Variants in CABIN1 observed in about 807,000 individuals in gnomAD.
CABIN1 encodes calcineurin binding protein 1.
CABIN1 carries 133 observed loss-of-function variants against 227.7 expected under a neutral mutation model. The ratio of observed to expected loss-of-function variants is 0.58; its 90% CI spans 0.51 to 0.67. CABIN1 has a LOEUF of 0.67. Among genes scored for constraint, CABIN1 ranks in the 30% least tolerant of loss-of-function variants. The pLI is 0.00. For missense variants in CABIN1, 2,408 were observed against 2,852.5 expected (o/e 0.84, Z 3.55); for synonymous variants, 1,086 against 1,155.1 (o/e 0.94, Z 1.21).
chr22:24,161,570 C>G (rs1315156806), intron 29 of CABIN1, among the ~76,000 whole-genome samples: 1 of 152,158 alleles, frequency 6.6e-6, no homozygotes, highest in Non-Finnish European at 1.5e-5. Context: ...ATCTATGATC[C>G]TGCCTCTGCC....
At chr22:24,072,140 C>G (rs1194559452) in intron 17 of CABIN1, among the ~76,000 whole-genome samples, 1 of 152,176 alleles carries the variant, frequency 6.6e-6, no homozygotes, top group Non-Finnish European at 1.5e-5. Context: ...CTGCATGTGG[C>G]ATGAAGGAGA....
Position 24,165,777 on chromosome 22 carries a change from C to T in CABIN1, c.5007+151C>T, listed in dbSNP as rs995027912. 4 of 683,842 alleles carry T rather than the reference C, an allele frequency of 5.8e-6. No individual in the cohort carries two copies. In the African/African-American group the frequency reaches 7.1e-5, roughly 12 times the overall value. The allele number at this position is 683,842 out of a possible 1,614,324, so 42.4% of individuals were successfully genotyped here. A position where few individuals can be genotyped will look rare whatever the true frequency, so the allele number is the denominator to read the frequency against. On this transcript the variant is annotated intron_variant, in intron 31 of 36. Coordinates refer to ENST00000263119, the MANE Select transcript of CABIN1 (RefSeq NM_012295.4). ...GTGAGGTAGCACCCATCCTGTCTTC[C>T]TAGGCAGGGAAGGTCAGCCGTGGTA...
At chr22:24,175,845 C>T in intron 34 of CABIN1, 1 of 569,120 alleles carries the variant, frequency 1.8e-6, no homozygotes, top group Non-Finnish European at 3.2e-6. Flanking sequence ...TCAGGTGTGG[C>T]CCCACTGGGT....
intron 33 of CABIN1, among the ~76,000 whole-genome samples, chr22:24,169,700 C>T (rs1340190750): frequency 6.6e-6 from 1 of 152,218 alleles, no homozygotes; most frequent in Non-Finnish European, 1.5e-5. Flanking sequence ...GCCTCCTCCA[C>T]TGGCCCAGGT....
At chr22:24,081,989 T>A (rs528591467) in intron 19 of CABIN1, among the ~76,000 whole-genome samples, 1 of 152,214 alleles carries the variant, frequency 6.6e-6, no homozygotes, top group Admixed American at 6.5e-5. Context: ...ATTGTTCCAC[T>A]GCACTCCAGC....
chr22:24,112,317 T>C (rs1272098411), intron 26 of CABIN1, among the ~76,000 whole-genome samples: 2 of 152,214 alleles, frequency 1.3e-5, no homozygotes, highest in African/African-American at 4.8e-5. Context: ...TTGAGCTGGC[T>C]TGGGTTTTGT....
intron 8 of CABIN1, among the ~76,000 whole-genome samples, chr22:24,052,659 C>A (rs894778739): frequency 6.6e-6 from 1 of 151,690 alleles, no homozygotes. Flanking sequence ...GATATGGTGG[C>A]ACACACCTGT....
In CABIN1 at chr22:24,087,724, G is replaced by T; in HGVS notation, c.3525+11G>T. On this transcript the variant is annotated intron_variant, in intron 23 of 36. Coordinates refer to ENST00000263119, the MANE Select transcript of CABIN1 (RefSeq NM_012295.4). ...GAGCTCGTGCAGCAGGTGAGGAGGGGGTGCTGCAGATGGGCTTGCCATCCT... is the reference window on the plus strand; with the variant it reads ...GAGCTCGTGCAGCAGGTGAGGAGGGTGTGCTGCAGATGGGCTTGCCATCCT... The T allele has an allele frequency of 6.2e-7, 1 of 1,613,282 alleles. No homozygotes were observed. The highest frequency in any genetic ancestry group is 8.5e-7 in the Non-Finnish European group (1 of 1,180,012).
chr22:24,091,911 C>T, intron 24 of CABIN1, 68 bp downstream of exon 24: 1 of 1,586,034 alleles, frequency 6.3e-7, no homozygotes, highest in South Asian at 1.1e-5. Flanking sequence ...TCTCCCTGGG[C>T]ATGTGGCTCA....
At chr22:24,175,088 C>T (rs2047030225) in intron 34 of CABIN1, among the ~76,000 whole-genome samples, 2 of 152,232 alleles carry the variant, frequency 1.3e-5, no homozygotes, top group African/African-American at 2.4e-5. Flanking sequence ...CTTCTTCAGC[C>T]TGGAGAGTTG....
At chr22:24,131,461 C>T (rs918501523) in intron 28 of CABIN1, among the ~76,000 whole-genome samples, 2 of 152,196 alleles carry the variant, frequency 1.3e-5, no homozygotes, top group African/African-American at 4.8e-5. Context: ...CCCTAGGCAG[C>T]CTGCCTCTGC....
intron 32 of CABIN1, 24 bp downstream of exon 32, chr22:24,167,337 G>A (rs773628813): frequency 6.2e-7 from 1 of 1,602,582 alleles, no homozygotes. Flanking sequence ...AGAGGCCTGG[G>A]GGCACTAGTC....
In CABIN1 at chr22:24,092,224, T is replaced by A. The variant is rs142239178; in HGVS notation, c.3786+381T>A. ...GGCACCATTGCCTCCAGGGTGCAAA[T>A]GAGACATCCAAAGCCCAGCCTGTGC... On this transcript the variant is annotated intron_variant, in intron 24 of 36. Coordinates refer to ENST00000263119, the MANE Select transcript of CABIN1 (RefSeq NM_012295.4). Among the ~76,000 whole-genome samples, 915 of 152,206 alleles carry A rather than the reference T, an allele frequency of 6.0e-3. 4 individuals carry two copies. The highest frequency in any genetic ancestry group is 9.2e-3 in the Non-Finnish European group (626 of 68,000).
At chr22:24,064,795 T>G (rs1335938067) in intron 15 of CABIN1, among the ~76,000 whole-genome samples, 1 of 151,986 alleles carries the variant, frequency 6.6e-6, no homozygotes, top group African/African-American at 2.4e-5. Context: ...TAACCCTGAG[T>G]GGACACAGCA....
intron 28 of CABIN1, among the ~76,000 whole-genome samples, chr22:24,133,089 C>T (rs1314162814): frequency 6.6e-6 from 1 of 152,168 alleles, no homozygotes; most frequent in Admixed American, 6.5e-5. Context: ...CTCTCCTTCC[C>T]CTCAGGGTGG....
intron 28 of CABIN1, 80 bp from the exon 29 acceptor site, chr22:24,134,222 A>G (rs2044249433): frequency 2.1e-6 from 2 of 949,440 alleles, no homozygotes; most frequent in Admixed American, 3.9e-5. Context: ...GCAGCCAGGA[A>G]GGAGGGGACC....
At chr22:24,123,549 T>C (rs1407329197) in intron 28 of CABIN1, among the ~76,000 whole-genome samples, 1 of 152,238 alleles carries the variant, frequency 6.6e-6, no homozygotes, top group African/African-American at 2.4e-5. Context: ...TGCAGGTTGT[T>C]AACACCTAGC....
intron 1 of CABIN1, among the ~76,000 whole-genome samples, chr22:24,026,120 A>T (rs1005937350): frequency 1.3e-5 from 2 of 151,830 alleles, no homozygotes; most frequent in African/African-American, 2.4e-5. Flanking sequence ...TATAGACTTG[A>T]TCCACTGGGC....
chr22:24,096,691 A>G (rs1460984571), intron 25 of CABIN1, among the ~76,000 whole-genome samples: 5 of 152,182 alleles, frequency 3.3e-5, no homozygotes, highest in Non-Finnish European at 7.4e-5. Context: ...CTAGGGAGAA[A>G]GATGGGTTTG....
Sources: allele counts gnomAD v4.1 joint callset (sites outside exome capture counted in the v4.1 genomes callset), GRCh38; gene constraint gnomAD v4.1.1; transcripts MANE v1.5; gene names NCBI Gene and HGNC (gene_info 2026-07-23, HGNC 2026-07-21).